LRRC4C: variants seen among roughly 807,000 people sequenced by gnomAD.
LRRC4C encodes the protein leucine-rich repeat-containing protein 4C.
A neutral mutation model predicts 33.6 loss-of-function variants in LRRC4C; 5 were observed. That is an observed-to-expected ratio of 0.15 (90% CI 0.08 to 0.31). LRRC4C has a LOEUF of 0.31. LRRC4C is among the 10% of genes least tolerant of loss of function. The probability of loss-of-function intolerance (pLI) is 1.00; values close to 1 mark genes in which losing one functional copy is unlikely to be tolerated. For synonymous variants in LRRC4C, 329 were observed against 302.0 expected, an observed-to-expected ratio of 1.09 and a Z score of -0.93; for missense variants, 560 against 796.7, an observed-to-expected ratio of 0.70 and a Z score of 3.58.
intron 5 of LRRC4C, among the ~76,000 whole-genome samples, chr11:40,238,856 G>T (rs1168808396): frequency 2.0e-5 from 3 of 152,072 alleles, no homozygotes; most frequent in Admixed American, 2.0e-4. Context: ...TTTCCCTCCT[G>T]CACAGTCCAG....
At chr11:40,751,761 A>T (rs934529298) in intron 2 of LRRC4C, among the ~76,000 whole-genome samples, 21 of 152,148 alleles carry the variant, frequency 1.4e-4, no homozygotes, top group African/African-American at 5.1e-4. Flanking sequence ...CAATTCAAAA[A>T]TATGCATGGA....
chr11:40,357,989 C>T (rs11035801), intron 3 of LRRC4C, among the ~76,000 whole-genome samples: 44,423 of 151,808 alleles, frequency 0.29, 6,920 homozygotes, highest in East Asian at 0.5. Flanking sequence ...TCAAGACCAT[C>T]CTGGCCAACA....
chr11:41,005,982 C>T (rs1287889196), intron 1 of LRRC4C, among the ~76,000 whole-genome samples: 1 of 152,078 alleles, frequency 6.6e-6, no homozygotes, highest in Non-Finnish European at 1.5e-5. Context: ...TCCTCCCTTC[C>T]TCTCTTCCTT....
At chr11:40,278,537 G>T (rs894875923) in intron 4 of LRRC4C, among the ~76,000 whole-genome samples, 3 of 152,140 alleles carry the variant, frequency 2.0e-5, no homozygotes, top group African/African-American at 4.8e-5. Flanking sequence ...CAAAAACAAA[G>T]ATCTGTTTCT....
At chr11:40,320,677 C>A (rs1188919851) in intron 3 of LRRC4C, among the ~76,000 whole-genome samples, 2 of 151,984 alleles carry the variant, frequency 1.3e-5, no homozygotes, top group Non-Finnish European at 2.9e-5. Flanking sequence ...GGCAAGAATC[C>A]AAAACTTACT....
At chr11:40,625,599 T>C (rs1591308037) in intron 3 of LRRC4C, among the ~76,000 whole-genome samples, 2 of 152,118 alleles carry the variant, frequency 1.3e-5, no homozygotes, top group South Asian at 4.1e-4. Flanking sequence ...GAAATTTGGG[T>C]GGGGACACAG....
intron 1 of LRRC4C, among the ~76,000 whole-genome samples, chr11:41,238,780 A>T (rs1948126458): frequency 1.3e-5 from 2 of 152,122 alleles, no homozygotes; most frequent in Non-Finnish European, 2.9e-5. Context: ...AGTGTCAGGT[A>T]ATAAAAACAA....
intron 1 of LRRC4C, among the ~76,000 whole-genome samples, chr11:40,939,433 AT>A (rs1475258167): frequency 6.6e-6 from 1 of 152,050 alleles, no homozygotes; most frequent in African/African-American, 2.4e-5. Flanking sequence ...TTAAATACTC[AT>A]TTTTTCCTCA....
rs546868108 is a variant in LRRC4C at position 40,644,239 on chromosome 11, C to T, written c.-270+3903G>A. Among the ~76,000 whole-genome samples, 352 of 152,096 alleles carry T rather than the reference C, an allele frequency of 2.3e-3. 1 individual carries two copies. Among genetic ancestry groups the T allele is most frequent in the African/African-American group, 7.9e-3 (326 of 41,522 alleles). ...GGAAACTAATAGCATGGCCGTAAAG[C>T]GCAAAACTGATAAATGGGACTTCAT... On this transcript the variant is annotated intron_variant, in intron 3 of 6. Coordinates refer to ENST00000528697, the MANE Select transcript of LRRC4C (RefSeq NM_001258419.2).
intron 2 of LRRC4C, among the ~76,000 whole-genome samples, chr11:40,767,119 A>G (rs940774189): frequency 3.9e-5 from 6 of 152,108 alleles, no homozygotes; most frequent in Non-Finnish European, 8.8e-5. Flanking sequence ...GACAGAAAAT[A>G]AATAAATAAA....
intron 3 of LRRC4C, among the ~76,000 whole-genome samples, chr11:40,393,931 A>T (rs1315722593): frequency 6.6e-6 from 1 of 152,012 alleles, no homozygotes; most frequent in East Asian, 1.9e-4. Context: ...TGCACATATG[A>T]CTCTTAAGAG....
intron 3 of LRRC4C, among the ~76,000 whole-genome samples, chr11:40,394,537 A>G (rs1949462634): frequency 6.6e-6 from 1 of 152,106 alleles, no homozygotes; most frequent in Non-Finnish European, 1.5e-5. Flanking sequence ...AGACTTTGAT[A>G]TATTCAGATA....
At chr11:41,098,691 G>A (rs978322484) in intron 1 of LRRC4C, among the ~76,000 whole-genome samples, 1 of 151,946 alleles carries the variant, frequency 6.6e-6, no homozygotes, top group Admixed American at 6.6e-5. Context: ...AACTGCTTAG[G>A]GAAAAACTTA....
chr11:41,038,588 G>A (rs1857236518), intron 1 of LRRC4C, among the ~76,000 whole-genome samples: 1 of 152,142 alleles, frequency 6.6e-6, no homozygotes, highest in South Asian at 2.1e-4. Flanking sequence ...TTGTTCTAAT[G>A]ACAGAGAATC....
At chr11:40,519,623 G>C (rs1955723277) in intron 3 of LRRC4C, among the ~76,000 whole-genome samples, 4 of 152,140 alleles carry the variant, frequency 2.6e-5, no homozygotes, top group Admixed American at 2.6e-4. Context: ...ATGACTAACT[G>C]TCTTCATATT....
chr11:41,249,097 C>A (rs372224291), intron 1 of LRRC4C, among the ~76,000 whole-genome samples: 1 of 151,266 alleles, frequency 6.6e-6, no homozygotes, highest in Non-Finnish European at 1.5e-5. Flanking sequence ...TGCAGTGGCA[C>A]GATCTCGGCT....
At chr11:40,616,849 A>G (rs1342204659) in intron 3 of LRRC4C, among the ~76,000 whole-genome samples, 7 of 151,638 alleles carry the variant, frequency 4.6e-5, no homozygotes, top group Non-Finnish European at 8.8e-5. Context: ...AACATGGCAC[A>G]TGTATACATA....
chr11:41,015,893 G>C (rs1322563830), intron 1 of LRRC4C, among the ~76,000 whole-genome samples: 2 of 152,072 alleles, frequency 1.3e-5, no homozygotes, highest in Non-Finnish European at 2.9e-5. Flanking sequence ...CCCAGGCTGA[G>C]GCAGGAGAAT....
intron 3 of LRRC4C, among the ~76,000 whole-genome samples, chr11:40,344,071 A>G (rs1947006721): frequency 6.6e-6 from 1 of 152,168 alleles, no homozygotes; most frequent in Non-Finnish European, 1.5e-5. Context: ...TACTAGATGT[A>G]TAAAGAAGAG....
Sources: gnomAD v4.1 joint callset for allele counts (sites outside exome capture counted in the v4.1 genomes callset) on GRCh38, gnomAD v4.1.1 for gene constraint, MANE v1.5 for transcripts, NCBI Gene and HGNC (gene_info 2026-07-23, HGNC 2026-07-21) for gene names.